The following LRRC18 variants were observed in gnomAD, a reference collection of about 807,000 sequenced individuals.
The protein encoded by LRRC18 is leucine-rich repeat-containing protein 18.
LRRC18 carries 12 observed loss-of-function variants against 11.2 expected under a neutral mutation model. The ratio of observed to expected loss-of-function variants is 1.07; its 90% CI spans 0.69 to 1.74. The LOEUF (loss-of-function observed/expected upper bound fraction) is 1.74. LRRC18 is among the 40% of genes most tolerant of loss of function. LRRC18 has a pLI of 0.00. For missense variants in LRRC18, 374 were observed against 330.5 expected (o/e 1.13, Z -1.02); for synonymous variants, 155 against 130.6 (o/e 1.19, Z -1.27).
At chr10:48,925,903 C>G in the LRRC18 span, among the ~76,000 whole-genome samples, 29 of 152,274 alleles carry the variant, frequency 1.9e-4, no homozygotes, top group Admixed American at 1.9e-3. Context: ...TCCAGAGAAA[C>G]TAAGCAAAAT....
upstream of LRRC18, among the ~76,000 whole-genome samples, chr10:48,915,883 C>T (rs976105922): frequency 6.6e-5 from 10 of 152,172 alleles, no homozygotes; most frequent in South Asian, 2.1e-4. Flanking sequence ...TCCCCATTTT[C>T]GGGCATAATT....
the LRRC18 span, among the ~76,000 whole-genome samples, chr10:48,921,873 G>A: frequency 3.9e-5 from 6 of 152,144 alleles, no homozygotes; most frequent in Non-Finnish European, 2.9e-5. Context: ...TGATGGGAAT[G>A]CAAAATGGTA....
the LRRC18 span, among the ~76,000 whole-genome samples, chr10:48,919,337 G>A: frequency 0.027 from 4,182 of 152,234 alleles, 103 homozygotes; most frequent in South Asian, 0.1. Flanking sequence ...AAATATTTGC[G>A]AAGGAATGAA....
At chr10:48,911,064 A>G (rs936389376) in intron 1 of LRRC18, 1 of 235,322 alleles carries the variant, frequency 4.2e-6, no homozygotes, top group South Asian at 1.5e-4. Context: ...CGTGGACTCT[A>G]TACCTTTTGG....
chr10:48,922,974 G>C, the LRRC18 span, among the ~76,000 whole-genome samples: 1 of 152,146 alleles, frequency 6.6e-6, no homozygotes, highest in African/African-American at 2.4e-5. Context: ...GTGGTTACAT[G>C]AATCTGTACA....
At chr10:48,923,506 A>ATATATATGTATG in the LRRC18 span, among the ~76,000 whole-genome samples, 332 of 115,166 alleles carry the variant, frequency 2.9e-3, 17 homozygotes, top group African/African-American at 8.1e-3. Flanking sequence ...GTATATATAT[A>ATATATATGTATG]TATATATGTC....
At chr10:48,929,177 G>A in the LRRC18 span, among the ~76,000 whole-genome samples, 2 of 152,060 alleles carry the variant, frequency 1.3e-5, no homozygotes, top group African/African-American at 2.4e-5. Flanking sequence ...GAAACATCAA[G>A]TGGAAAAGTC....
chr10:48,914,639 G>A (rs561505153), upstream of LRRC18, among the ~76,000 whole-genome samples: 5 of 152,194 alleles, frequency 3.3e-5, no homozygotes, highest in Non-Finnish European at 5.9e-5. Context: ...TTCCTGGGGA[G>A]GGACTGCTGA....
upstream of LRRC18, chr10:48,914,357 G>A (rs1243525188): frequency 1.3e-5 from 8 of 595,596 alleles, no homozygotes; most frequent in Admixed American, 3.0e-5. Context: ...AGAAGTCAGG[G>A]CAAAGTGGAC....
chr10:48,939,431 C>A, the LRRC18 span, among the ~76,000 whole-genome samples: 7 of 152,246 alleles, frequency 4.6e-5, no homozygotes, highest in Non-Finnish European at 7.4e-5. Context: ...TTGCTCGGGG[C>A]CCCCCATTTA....
the LRRC18 span, among the ~76,000 whole-genome samples, chr10:48,931,702 T>G: frequency 6.6e-6 from 1 of 152,198 alleles, no homozygotes; most frequent in Non-Finnish European, 1.5e-5. Flanking sequence ...TGCTGCAATG[T>G]CTAATCCTAA....
chr10:48,928,353 CGTGTGTGTGTGTGTGTGTGT>C, the LRRC18 span, among the ~76,000 whole-genome samples: 1,498 of 125,052 alleles, frequency 0.012, 27 homozygotes, highest in African/African-American at 0.041. Flanking sequence ...TTGGTTTTGA[CGTGTGTGTGTGTGTGTGTGT>C]GTGTGTGTGT....
the LRRC18 span, among the ~76,000 whole-genome samples, chr10:48,938,362 G>A: frequency 1.3e-5 from 2 of 152,262 alleles, no homozygotes; most frequent in Non-Finnish European, 2.9e-5. Context: ...AGAGACCCCA[G>A]ACTCCTTCCA....
the LRRC18 span, among the ~76,000 whole-genome samples, chr10:48,932,128 G>C: frequency 1.7e-4 from 26 of 152,218 alleles, no homozygotes; most frequent in Non-Finnish European, 3.2e-4. Context: ...GTCAATTGCT[G>C]GTTGTTTGAA....
chr10:48,936,837 CAAA>C, the LRRC18 span, among the ~76,000 whole-genome samples: 2 of 59,282 alleles, frequency 3.4e-5, no homozygotes, highest in Non-Finnish European at 3.5e-5. Context: ...GACTCCGTCT[CAAA>C]AAAAAAAAAA....
At chr10:48,926,073 T>C in the LRRC18 span, among the ~76,000 whole-genome samples, 3 of 152,080 alleles carry the variant, frequency 2.0e-5, no homozygotes, top group Non-Finnish European at 4.4e-5. Flanking sequence ...CTGTGCCACC[T>C]CTCTCTCTCC....
chr10:48,909,694 A>T (rs1837832906), exon 2 of LRRC18: 1 of 153,446 alleles, frequency 6.5e-6, no homozygotes, highest in Non-Finnish European at 1.5e-5. Flanking sequence ...GATCTAATAC[A>T]GTGAGAACTC....
At chr10:48,938,436 C>A in the LRRC18 span, among the ~76,000 whole-genome samples, 1 of 152,252 alleles carries the variant, frequency 6.6e-6, no homozygotes, top group Admixed American at 6.5e-5. Flanking sequence ...GGTCTGGGGT[C>A]TAACCCACCA....
the LRRC18 span, among the ~76,000 whole-genome samples, chr10:48,937,041 C>T: frequency 1.3e-5 from 2 of 151,532 alleles, no homozygotes; most frequent in African/African-American, 4.8e-5. Flanking sequence ...TTACAGGCAC[C>T]CACCACCACG....
Sources: allele counts gnomAD v4.1 joint callset (sites outside exome capture counted in the v4.1 genomes callset), GRCh38; gene constraint gnomAD v4.1.1; transcripts MANE v1.5; gene names NCBI Gene and HGNC (gene_info 2026-07-23, HGNC 2026-07-21).